The following MLLT3 variants were observed in gnomAD, a reference collection of about 807,000 sequenced individuals.
The protein encoded by MLLT3 is MLLT3 super elongation complex subunit, also known as protein AF-9.
In MLLT3, 4 loss-of-function variants were observed where a neutral mutation model predicts 53.2. The ratio of observed to expected loss-of-function variants is 0.08; its 90% CI spans 0.04 to 0.17. The LOEUF is 0.17. Among genes scored for constraint, MLLT3 ranks in the 10% least tolerant of loss-of-function variants. The probability of loss-of-function intolerance (pLI) is 1.00; values close to 1 mark genes in which losing one functional copy is unlikely to be tolerated. For missense variants in MLLT3, 569 were observed against 684.0 expected (o/e 0.83, Z 1.87); for synonymous variants, 283 against 230.6 (o/e 1.23, Z -2.06).
At chr9:20,538,007 G>C (rs557527073) in intron 2 of MLLT3, among the ~76,000 whole-genome samples, 1 of 152,214 alleles carries the variant, frequency 6.6e-6, no homozygotes, top group Non-Finnish European at 1.5e-5. Flanking sequence ...ACTATTAAAA[G>C]ATTTGGAAAC....
intron 2 of MLLT3, among the ~76,000 whole-genome samples, chr9:20,561,162 T>C (rs73648228): frequency 0.052 from 7,893 of 152,206 alleles, 302 homozygotes; most frequent in Middle Eastern, 0.11. Flanking sequence ...CACAAGCACA[T>C]GCATTTTATT....
At chr9:20,549,647 C>G (rs1028683786) in intron 2 of MLLT3, among the ~76,000 whole-genome samples, 2 of 152,220 alleles carry the variant, frequency 1.3e-5, no homozygotes, top group African/African-American at 4.8e-5. Flanking sequence ...CCTAAACAGT[C>G]TGGCTCCAAA....
intron 2 of MLLT3, among the ~76,000 whole-genome samples, chr9:20,616,476 C>T (rs549329792): frequency 8.8e-4 from 133 of 151,978 alleles, no homozygotes; most frequent in African/African-American, 3.1e-3. Context: ...TTTAAATATA[C>T]GGAGTTAACT....
chr9:20,546,031 C>A (rs1376025486), intron 2 of MLLT3, among the ~76,000 whole-genome samples: 2 of 151,758 alleles, frequency 1.3e-5, no homozygotes, highest in Admixed American at 1.3e-4. Flanking sequence ...AAAAAACAGT[C>A]ATAAAAAAAG....
At chr9:20,439,625 T>A (rs1251939675) in intron 4 of MLLT3, among the ~76,000 whole-genome samples, 2 of 152,054 alleles carry the variant, frequency 1.3e-5, no homozygotes, top group East Asian at 3.9e-4. Flanking sequence ...AAGAAAGCAA[T>A]AGAACACATT....
At chr9:20,519,305 C>T (rs560698107) in intron 2 of MLLT3, among the ~76,000 whole-genome samples, 17 of 152,186 alleles carry the variant, frequency 1.1e-4, no homozygotes, top group African/African-American at 3.8e-4. Flanking sequence ...AGACTTTTAA[C>T]AATAGAGGAA....
At chr9:20,440,482 TCTC>T (rs1167195639) in intron 4 of MLLT3, among the ~76,000 whole-genome samples, 1 of 152,120 alleles carries the variant, frequency 6.6e-6, no homozygotes, top group Non-Finnish European at 1.5e-5. Flanking sequence ...TAGCCCCCGT[TCTC>T]CTCCTCAATT....
chr9:20,389,372 G>C (rs928116276), intron 5 of MLLT3, among the ~76,000 whole-genome samples: 4 of 152,310 alleles, frequency 2.6e-5, no homozygotes, highest in African/African-American at 9.6e-5. Flanking sequence ...GGCTAGGGGA[G>C]ATAAGAGAAT....
At chr9:20,527,784 G>C (rs1013048499) in intron 2 of MLLT3, among the ~76,000 whole-genome samples, 3 of 152,172 alleles carry the variant, frequency 2.0e-5, no homozygotes, top group Admixed American at 1.3e-4. Context: ...ATATCCAAGA[G>C]TCAAACTGGA....
chr9:20,503,001 T>C (rs116123789), intron 2 of MLLT3, among the ~76,000 whole-genome samples: 3,345 of 151,772 alleles, frequency 0.022, 116 homozygotes, highest in African/African-American at 0.075. Context: ...AACCAAGAAG[T>C]TGAAAGACCT....
rs567745398 is a variant in MLLT3 at position 20,470,322 on chromosome 9, C to G, written c.194-13536G>C. Among the ~76,000 whole-genome samples the G allele has an allele frequency of 7.2e-5, 11 of 151,924 alleles. No individual in the cohort carries two copies. The South Asian group carries it at 1.5e-3, about 20-fold the overall frequency. On this transcript the variant is annotated intron_variant, in intron 2 of 10. Coordinates refer to ENST00000380338, the MANE Select transcript of MLLT3 (RefSeq NM_004529.4). ...GGCATTATAATCCCATCTTGAGAAG[C>G]CTGGTTTATTTAAATTTCTCATCAG...
intron 2 of MLLT3, among the ~76,000 whole-genome samples, chr9:20,458,291 C>A (rs1563973572): frequency 1.3e-5 from 2 of 152,170 alleles, no homozygotes; most frequent in South Asian, 4.1e-4. Context: ...TTTCACTTCT[C>A]AAGGACAGGA....
chr9:20,408,093 G>C (rs1822630273), intron 5 of MLLT3, among the ~76,000 whole-genome samples: 1 of 152,174 alleles, frequency 6.6e-6, no homozygotes, highest in African/African-American at 2.4e-5. Flanking sequence ...ATACATGTCA[G>C]TGGAAATGCT....
intron 10 of MLLT3, among the ~76,000 whole-genome samples, chr9:20,348,940 G>T (rs1174305793): frequency 6.6e-6 from 1 of 151,984 alleles, no homozygotes. Context: ...GTATTTTCTG[G>T]AATAATTTTT....
intron 5 of MLLT3, among the ~76,000 whole-genome samples, chr9:20,377,069 G>A (rs139971000): frequency 6.6e-6 from 1 of 152,132 alleles, no homozygotes; most frequent in Non-Finnish European, 1.5e-5. Flanking sequence ...GTGACGGGTA[G>A]AGAAAGAAAA....
At chr9:20,456,127 C>T (rs1397003335) in intron 3 of MLLT3, among the ~76,000 whole-genome samples, 5 of 151,872 alleles carry the variant, frequency 3.3e-5, no homozygotes, top group East Asian at 1.9e-4. Flanking sequence ...TTAGTAGAGA[C>T]GAGGTTTCAC....
chr9:20,548,988 T>C (rs1478996179), intron 2 of MLLT3, among the ~76,000 whole-genome samples: 1 of 152,040 alleles, frequency 6.6e-6, no homozygotes, highest in Non-Finnish European at 1.5e-5. Flanking sequence ...CTAATTTTAG[T>C]ATTTTTTGTA....
rs895974820 is a variant in MLLT3, at chr9:20,343,665, C to A, written c.*2778G>T. On this transcript the variant is annotated 3_prime_UTR_variant, in exon 11 of 11. Transcript: ENST00000380338. Reference sequence around the variant, plus strand: ...AAAAATTTTTTAAAAGTTTATCATACTCTGGCTGGTTCAAACCATATTCAC... The same window carrying A: ...AAAAATTTTTTAAAAGTTTATCATAATCTGGCTGGTTCAAACCATATTCAC... The A allele has an allele frequency of 4.4e-6, 1 of 225,492 alleles. No individual in the cohort carries two copies. The highest frequency in any genetic ancestry group is 8.8e-6 in the Non-Finnish European group (1 of 113,216). 14.0% of individuals were successfully genotyped at this position (225,492 alleles called of 1,614,324 possible). A position where few individuals can be genotyped will look rare whatever the true frequency, so the allele number is the denominator to read the frequency against.
chr9:20,575,373 C>A (rs1036494110), intron 2 of MLLT3, among the ~76,000 whole-genome samples: 4 of 152,220 alleles, frequency 2.6e-5, no homozygotes, highest in South Asian at 2.1e-4. Context: ...ATTACAGATA[C>A]AACTCGCAGA....
Sources: gnomAD v4.1 joint callset for allele counts (sites outside exome capture counted in the v4.1 genomes callset) on GRCh38, gnomAD v4.1.1 for gene constraint, MANE v1.5 for transcripts, NCBI Gene and HGNC (gene_info 2026-07-23, HGNC 2026-07-21) for gene names.